SSH2: variants seen among roughly 807,000 people sequenced by gnomAD.
The protein encoded by SSH2 is slingshot protein phosphatase 2, also known as protein phosphatase Slingshot homolog 2.
SSH2 carries 37 observed loss-of-function variants against 135.2 expected under a neutral mutation model. The observed-to-expected ratio is 0.27, with a 90% CI of 0.21 to 0.36. The LOEUF (loss-of-function observed/expected upper bound fraction) is 0.36. SSH2 is among the 10% of genes least tolerant of loss of function. The pLI, the probability that SSH2 is intolerant of heterozygous loss-of-function variation, is 1.00. For missense variants in SSH2, 1,408 were observed against 1,765.3 expected (o/e 0.80, Z 3.63); for synonymous variants, 628 against 646.2 (o/e 0.97, Z 0.43).
intron 3 of SSH2, among the ~76,000 whole-genome samples, chr17:29,718,688 G>A (rs542551899): frequency 2.9e-5 from 4 of 136,226 alleles, no homozygotes; most frequent in East Asian, 2.4e-4. Flanking sequence ...AGCCAAGATC[G>A]TGCCACTGCA....
Position 29,818,940 on chromosome 17 carries a change from C to T in SSH2, c.145-25003G>A, listed in dbSNP as rs1599042666. On this transcript the variant is annotated intron_variant, in intron 2 of 15. Coordinates refer to ENST00000540801, the MANE Select transcript of SSH2 (RefSeq NM_001282129.2). ...TTAATTCTTTGTTTAAAAAAAGGCA[C>T]CAGTGGCCAGGTGCAGTGGCTCACA... Among the ~76,000 whole-genome samples, 3 of 151,932 alleles carry T rather than the reference C, an allele frequency of 2.0e-5. No individual in the cohort carries two copies. In the East Asian group the frequency reaches 5.8e-4, roughly 29 times the overall value.
intron 3 of SSH2, among the ~76,000 whole-genome samples, chr17:29,734,869 C>T (rs2040314665): frequency 6.6e-6 from 1 of 152,098 alleles, no homozygotes; most frequent in South Asian, 2.1e-4. Context: ...GAGAGAAAAA[C>T]ATTAGCTCAC....
At chr17:29,859,028 T>C (rs1567613886) in intron 1 of SSH2, among the ~76,000 whole-genome samples, 1 of 152,234 alleles carries the variant, frequency 6.6e-6, no homozygotes, top group Admixed American at 6.5e-5. Flanking sequence ...CACATTGATC[T>C]TTGACTTTCA....
In SSH2 at chr17:29,928,545, G is replaced by A. The variant is rs1378605695; in HGVS notation, c.63+1393C>T. On this transcript the variant is annotated intron_variant, in intron 1 of 15. Transcript: ENST00000540801. ...TACAAATTCTTCCTTACAATCACTG[G>A]AAATCTGCCTCCCTGAACCAAGAAT... 4 of 398,392 alleles carry A rather than the reference G, an allele frequency of 1.0e-5. No homozygotes were observed. In the East Asian group the frequency reaches 1.1e-4, roughly 11 times the overall value. The allele number at this position is 398,392 out of a possible 1,614,324, so 24.7% of individuals were successfully genotyped here.
intron 14 of SSH2, among the ~76,000 whole-genome samples, chr17:29,638,540 A>G (rs2036013816): frequency 6.6e-6 from 1 of 150,782 alleles, no homozygotes; most frequent in Non-Finnish European, 1.5e-5. Context: ...ACACACACAC[A>G]CACACACACA....
intron 2 of SSH2, among the ~76,000 whole-genome samples, chr17:29,841,892 A>ATTTTTTTTTTTTTT (rs770836134): frequency 3.0e-5 from 3 of 99,640 alleles, no homozygotes; most frequent in Admixed American, 1.3e-4. Flanking sequence ...CCCTTGGCTA[A>ATTTTTTTTTTTTTT]TTTTTTTTTT....
At chr17:29,765,225 A>G (rs1343371441) in intron 3 of SSH2, among the ~76,000 whole-genome samples, 2 of 152,206 alleles carry the variant, frequency 1.3e-5, no homozygotes, top group Non-Finnish European at 2.9e-5. Context: ...TAATCCAGTT[A>G]AGATAAACAG....
intron 2 of SSH2, among the ~76,000 whole-genome samples, chr17:29,825,780 T>C (rs2042731899): frequency 6.6e-6 from 1 of 152,110 alleles, no homozygotes; most frequent in Non-Finnish European, 1.5e-5. Context: ...AAGGCTAGAG[T>C]GCTTACATAG....
intron 3 of SSH2, among the ~76,000 whole-genome samples, chr17:29,737,282 A>G (rs2040405418): frequency 5.9e-5 from 9 of 152,126 alleles, no homozygotes; most frequent in Non-Finnish European, 1.5e-5. Flanking sequence ...TTCAAGTAAC[A>G]GCTTAACAGT....
chr17:29,883,094 C>T (rs1392280082), intron 1 of SSH2: 1 of 150,726 alleles, frequency 6.6e-6, no homozygotes, highest in African/African-American at 2.4e-5. Flanking sequence ...AATATCAGCA[C>T]ATTACCTGTC....
chr17:29,848,107 C>T (rs1291487787), intron 2 of SSH2, among the ~76,000 whole-genome samples: 1 of 152,080 alleles, frequency 6.6e-6, no homozygotes, highest in East Asian at 1.9e-4. Context: ...GGGCTAAGCC[C>T]CAGTTTGGGG....
chr17:29,890,865 C>G (rs2066335567), intron 1 of SSH2, among the ~76,000 whole-genome samples: 1 of 152,162 alleles, frequency 6.6e-6, no homozygotes, highest in Non-Finnish European at 1.5e-5. Flanking sequence ...AAGTGATTTT[C>G]CTGCCTCAGC....
chr17:29,809,641 G>T (rs2042406565), intron 2 of SSH2, among the ~76,000 whole-genome samples: 1 of 151,982 alleles, frequency 6.6e-6, no homozygotes, highest in South Asian at 2.1e-4. Context: ...CTGCAGCCTT[G>T]AACTCCTAGG....
At chr17:29,878,971 A>G (rs969288115) in intron 1 of SSH2, among the ~76,000 whole-genome samples, 3 of 152,180 alleles carry the variant, frequency 2.0e-5, no homozygotes, top group Admixed American at 6.5e-5. Flanking sequence ...ACAAATACAG[A>G]CAGCATTGTG....
chr17:29,717,077 A>C (rs187467212), intron 3 of SSH2, among the ~76,000 whole-genome samples: 62 of 152,168 alleles, frequency 4.1e-4, no homozygotes, highest in Non-Finnish European at 6.3e-4. Flanking sequence ...ACCCTACCCT[A>C]TCCACCGCCC....
intron 11 of SSH2, among the ~76,000 whole-genome samples, chr17:29,665,650 T>C (rs2037237883): frequency 6.6e-6 from 1 of 152,230 alleles, no homozygotes; most frequent in Non-Finnish European, 1.5e-5. Flanking sequence ...TGAAAGTGTG[T>C]GGGAAGTGGA....
chr17:29,919,230 G>A (rs2066933800), intron 1 of SSH2, among the ~76,000 whole-genome samples: 1 of 150,106 alleles, frequency 6.7e-6, no homozygotes, highest in South Asian at 2.1e-4. Context: ...ACACAAAAAA[G>A]GTACTAAATA....
intron 14 of SSH2, among the ~76,000 whole-genome samples, chr17:29,646,581 C>A (rs1447505265): frequency 3.3e-5 from 5 of 152,102 alleles, no homozygotes; most frequent in Non-Finnish European, 7.4e-5. Flanking sequence ...CTCACTGCAA[C>A]CTCCGTCTCC....
chr17:29,781,713 C>T (rs530656587), intron 3 of SSH2, among the ~76,000 whole-genome samples: 55 of 151,490 alleles, frequency 3.6e-4, no homozygotes, highest in African/African-American at 1.2e-3. Flanking sequence ...CTCTTGACCT[C>T]GTGATCCGCC....
Sources: gnomAD v4.1 joint callset for allele counts (sites outside exome capture counted in the v4.1 genomes callset) on GRCh38, gnomAD v4.1.1 for gene constraint, MANE v1.5 for transcripts, NCBI Gene and HGNC (gene_info 2026-07-23, HGNC 2026-07-21) for gene names.